EPHA4: variants seen among roughly 807,000 people sequenced by gnomAD.
The protein encoded by EPHA4 is ephrin type-A receptor 4.
EPHA4 carries 19 observed loss-of-function variants against 108.3 expected under a neutral mutation model. The ratio of observed to expected loss-of-function variants is 0.18; its 90% confidence interval spans 0.12 to 0.26. The LOEUF is 0.26. Ranked by LOEUF, EPHA4 falls within the 10% of genes least tolerant of loss-of-function variation. The pLI is 1.00. For synonymous variants in EPHA4, 449 were observed against 455.5 expected (o/e 0.99, Z 0.18); for missense variants, 917 against 1,254.0 (o/e 0.73, Z 4.06).
At chr2:221,461,186 T>C (rs897004662) in intron 5 of EPHA4, among the ~76,000 whole-genome samples, 4 of 152,182 alleles carry the variant, frequency 2.6e-5, no homozygotes, top group African/African-American at 9.6e-5. Context: ...GAAAATGAAC[T>C]ATACTGTACA....
chr2:221,530,318 C>A (rs1333418208), intron 3 of EPHA4, among the ~76,000 whole-genome samples: 2 of 152,236 alleles, frequency 1.3e-5, no homozygotes, highest in Non-Finnish European at 2.9e-5. Flanking sequence ...GAGACTGACT[C>A]ATGCCACAGA....
intron 3 of EPHA4, among the ~76,000 whole-genome samples, chr2:221,516,454 A>C (rs1692992527): frequency 6.6e-6 from 1 of 150,856 alleles, no homozygotes; most frequent in Non-Finnish European, 1.5e-5. Context: ...TCTCAGGTTC[A>C]AGTGATTCTC....
intron 3 of EPHA4, among the ~76,000 whole-genome samples, chr2:221,542,246 AG>A (rs1309651074): frequency 3.3e-5 from 5 of 152,220 alleles, no homozygotes; most frequent in Non-Finnish European, 7.4e-5. Flanking sequence ...TTTAAGAAGA[AG>A]GTGCAAAACT....
At chr2:221,435,529 C>T (rs940939295) in intron 13 of EPHA4, among the ~76,000 whole-genome samples, 1 of 152,024 alleles carries the variant, frequency 6.6e-6, no homozygotes, top group Admixed American at 6.6e-5. Context: ...ACCCCCATTG[C>T]TTGGGATTGC....
At chr2:221,443,299 G>A (rs948407218) in intron 10 of EPHA4, among the ~76,000 whole-genome samples, 194 bp downstream of exon 10, 3 of 152,048 alleles carry the variant, frequency 2.0e-5, no homozygotes, top group Non-Finnish European at 4.4e-5. Flanking sequence ...ATTGCATTAA[G>A]TTTCTCTCTA....
At chr2:221,472,876 A>C (rs1238128956) in intron 5 of EPHA4, among the ~76,000 whole-genome samples, 1 of 152,210 alleles carries the variant, frequency 6.6e-6, no homozygotes, top group Non-Finnish European at 1.5e-5. Flanking sequence ...GAACCACAGT[A>C]CAGTTCGTTT....
chr2:221,480,690 T>C (rs1455127506), intron 5 of EPHA4, among the ~76,000 whole-genome samples: 1 of 152,210 alleles, frequency 6.6e-6, no homozygotes, highest in Non-Finnish European at 1.5e-5. Context: ...CCTAGCTGGA[T>C]GACCCGTTCA....
chr2:221,427,158 T>C (rs940829685), intron 15 of EPHA4, among the ~76,000 whole-genome samples: 3 of 152,140 alleles, frequency 2.0e-5, no homozygotes, highest in African/African-American at 7.2e-5. Context: ...TCAAACAAAC[T>C]TGGGACAGCA....
chr2:221,560,915 C>A (rs1341482693), intron 3 of EPHA4, among the ~76,000 whole-genome samples: 3 of 152,162 alleles, frequency 2.0e-5, no homozygotes, highest in Non-Finnish European at 2.9e-5. Context: ...TTTTATTATT[C>A]CTAAGACTTT....
chr2:221,449,629 T>C (rs921252525), intron 8 of EPHA4, among the ~76,000 whole-genome samples: 7 of 152,182 alleles, frequency 4.6e-5, no homozygotes, highest in East Asian at 1.9e-4. Flanking sequence ...TTAGCAGACA[T>C]TGTTGCAGAA....
intron 5 of EPHA4, among the ~76,000 whole-genome samples, chr2:221,465,347 T>C (rs1212196173): frequency 3.3e-5 from 5 of 152,204 alleles, no homozygotes; most frequent in African/African-American, 1.2e-4. Context: ...GGCACGTCAT[T>C]TTCTTTATGC....
At position 221,426,586 on chromosome 2, in the gene EPHA4, A is replaced by G; in HGVS notation, c.2724T>C (p.Pro908=). ...PNTALLDPSS[P]EFSAVVSVGD... ...CCACTGATACCACAGCAGAGAATTC[A>G]GGGGAGCTTGGATCCAACAAGGCAG... Residue 908 remains proline (P), a synonymous_variant, in exon 16 of 18, where the codon CCT becomes CCC. Transcript: ENST00000281821. 2 of 1,613,964 alleles carry G rather than the reference A, an allele frequency of 1.2e-6. No homozygotes were observed. The highest frequency in any genetic ancestry group is 1.7e-6 in the Non-Finnish European group (2 of 1,179,984).
Position 221,482,410 on chromosome 2 carries a change from G to A in EPHA4, c.1260C>T (p.Ser420=). 6.2e-7 allele frequency: 1 copy of A among 1,613,926 alleles called. No individual in the cohort carries two copies. The highest frequency in any genetic ancestry group is 8.5e-7 in the Non-Finnish European group (1 of 1,179,960). Residue 420 remains serine, a synonymous_variant, in exon 5 of 18, where the codon TCC becomes TCT. Transcript: ENST00000281821. ...ATTGGTCTGGGTTAGGGTTATATTT[G>A]GACACTCCATTCACAGCCCAGATTT... The part of the protein sequence containing the change: ...TFEIWAVNGV[S]KYNPNPDQSV...
chr2:221,430,738 G>C (rs1368726762), intron 14 of EPHA4, among the ~76,000 whole-genome samples: 1 of 151,988 alleles, frequency 6.6e-6, no homozygotes, highest in Non-Finnish European at 1.5e-5. Flanking sequence ...TTTCTTTCTT[G>C]GTCTCAGTTG....
chr2:221,478,312 C>G (rs1691721157), intron 5 of EPHA4, among the ~76,000 whole-genome samples: 2 of 152,158 alleles, frequency 1.3e-5, no homozygotes, highest in Non-Finnish European at 2.9e-5. Context: ...ATCCTGTATT[C>G]ATTTGCCTGA....
chr2:221,485,613 C>T (rs1222152486), intron 4 of EPHA4, among the ~76,000 whole-genome samples: 2 of 151,986 alleles, frequency 1.3e-5, no homozygotes, highest in Admixed American at 6.6e-5. Context: ...GGAAAAAAAC[C>T]TGGGAGAGGA....
At chr2:221,475,550 T>A (rs1184747321) in intron 5 of EPHA4, among the ~76,000 whole-genome samples, 1 of 152,234 alleles carries the variant, frequency 6.6e-6, no homozygotes, top group Non-Finnish European at 1.5e-5. Context: ...GATTTAGTAC[T>A]CCAGAGCAGA....
chr2:221,464,908 C>T (rs1388315018), intron 5 of EPHA4, among the ~76,000 whole-genome samples: 1 of 152,116 alleles, frequency 6.6e-6, no homozygotes, highest in Non-Finnish European at 1.5e-5. Flanking sequence ...TGATTTTTCT[C>T]CTTATTTGAC....
At chr2:221,512,742 T>G (rs1002159912) in intron 3 of EPHA4, among the ~76,000 whole-genome samples, 1 of 152,246 alleles carries the variant, frequency 6.6e-6, no homozygotes, top group Non-Finnish European at 1.5e-5. Context: ...TGTGCATTTA[T>G]TCATTCATTG....
Sources: allele counts gnomAD v4.1 joint callset (sites outside exome capture counted in the v4.1 genomes callset), GRCh38; gene constraint gnomAD v4.1.1; transcripts MANE v1.5; gene names NCBI Gene and HGNC (gene_info 2026-07-23, HGNC 2026-07-21).